VSTM1: variants seen among roughly 807,000 people sequenced by gnomAD.
VSTM1 encodes V-set and transmembrane domain-containing protein 1.
A neutral mutation model predicts 33.1 loss-of-function variants in VSTM1; 27 were observed. The observed-to-expected ratio is 0.82, with a 90% CI of 0.60 to 1.12. The LOEUF (loss-of-function observed/expected upper bound fraction) is 1.12, where lower values mean the gene tolerates loss of function less well. Ranked by LOEUF, VSTM1 falls within the 50% of genes most tolerant of loss-of-function variation. VSTM1 has a pLI of 0.00. For missense variants in VSTM1, 304 were observed against 288.9 expected (o/e 1.05, Z -0.38); for synonymous variants, 115 against 110.3 (o/e 1.04, Z -0.27).
At chr19:54,049,132 G>A (rs1274876810) in intron 4 of VSTM1, among the ~76,000 whole-genome samples, 2 of 152,124 alleles carry the variant, frequency 1.3e-5, no homozygotes, top group African/African-American at 4.8e-5. Flanking sequence ...GCAAAATGTG[G>A]TCTATCCATA....
intron 1 of VSTM1, 67 bp from the exon 2 acceptor site, chr19:54,058,799 C>T (rs2071239280): frequency 4.4e-6 from 6 of 1,365,592 alleles, no homozygotes; most frequent in Admixed American, 3.5e-5. Flanking sequence ...CAGCAGAGAA[C>T]GTATGACTAG....
At position 54,042,307 on chromosome 19, in the gene VSTM1, CTG is replaced by C; in HGVS notation, c.455_456del (p.Ser152CysfsTer15). On this transcript the variant is annotated frameshift_variant, in exon 5 of 9. Transcript: ENST00000338372. LOFTEE classifies it high-confidence loss of function. ...SCISILLLFL[S>X]VFIIYRCSQH... The stretch of plus-strand genomic sequence containing the variant: ...TGGCTGCATCTGTAGATGATGAAGA[CTG>C]AGAGGAAGAGGAGAAGGATGGAGAT... 1 of 1,613,744 alleles carries C rather than the reference CTG, an allele frequency of 6.2e-7. No homozygotes were observed. The highest frequency in any genetic ancestry group is 8.5e-7 in the Non-Finnish European group (1 of 1,179,960).
intron 8 of VSTM1, 132 bp downstream of exon 8, chr19:54,041,647 T>A (rs1377621782): frequency 2.5e-5 from 26 of 1,043,610 alleles, no homozygotes; most frequent in Non-Finnish European, 3.4e-5. Flanking sequence ...ATTAGGGGAG[T>A]TTCGTGACTT....
chr19:54,042,262 G>T lies in VSTM1; in HGVS notation c.487+15C>A, dbSNP rs371942569. On this transcript the variant is annotated intron_variant, in intron 5 of 8. Coordinates refer to ENST00000338372, the MANE Select transcript of VSTM1 (RefSeq NM_198481.4). The stretch of plus-strand genomic sequence containing the variant: ...CTTCACTCCCCCTCTCTCCCTTTGC[G>T]TTCTCTGAGCTCACTGTGCTGGCTG... The T allele has an allele frequency of 8.6e-5, 138 of 1,613,902 alleles. No homozygotes were observed. In the African/African-American group the frequency reaches 1.6e-3, roughly 19 times the overall value.
rs2070219421 is a variant in VSTM1, at chr19:54,040,909, A to T, written c.*52T>A. 6.3e-7 allele frequency: 1 copy of T among 1,577,038 alleles called. No homozygotes were observed. Among genetic ancestry groups the T allele is most frequent in the African/African-American group, 1.4e-5 (1 of 72,068 alleles). Reference sequence around the variant, plus strand: ...GTATCTGCATCTCCAGATTTCCGATAACCTTGGCCAGCACGATCCCCCCTC... The same window carrying T: ...GTATCTGCATCTCCAGATTTCCGATTACCTTGGCCAGCACGATCCCCCCTC... On this transcript the variant is annotated 3_prime_UTR_variant, in exon 9 of 9. Coordinates refer to ENST00000338372, the MANE Select transcript of VSTM1 (RefSeq NM_198481.4).
chr19:54,045,911 TTATC>T (rs1406911212), intron 4 of VSTM1, among the ~76,000 whole-genome samples: 1 of 152,150 alleles, frequency 6.6e-6, no homozygotes, highest in Non-Finnish European at 1.5e-5. Context: ...ATCATCTATC[TTATC>T]TATTATATCT....
chr19:54,058,833 A>C, intron 1 of VSTM1, 101 bp from the exon 2 acceptor site: 1 of 599,838 alleles, frequency 1.7e-6, no homozygotes. Context: ...TGAGATATAT[A>C]TATATATATA....
intron 1 of VSTM1, among the ~76,000 whole-genome samples, chr19:54,059,428 A>G (rs1218357236): frequency 6.6e-6 from 1 of 152,004 alleles, no homozygotes; most frequent in Non-Finnish European, 1.5e-5. Flanking sequence ...AAATTGTTCA[A>G]CATTCACCTA....
At chr19:54,060,508 C>A (rs1205779366) in intron 1 of VSTM1, among the ~76,000 whole-genome samples, 1 of 152,114 alleles carries the variant, frequency 6.6e-6, no homozygotes, top group African/African-American at 2.4e-5. Flanking sequence ...GGAGGCCTCA[C>A]GATGGACCGA....
chr19:54,041,286 A>AT lies in VSTM1; in HGVS notation c.592-207dup, dbSNP rs1388210238. Among the ~76,000 whole-genome samples the AT allele has an allele frequency of 1.4e-3, 217 of 151,152 alleles. 2 individuals carry two copies. Among genetic ancestry groups the AT allele is most frequent in the African/African-American group, 5.1e-3 (210 of 41,164 alleles). On this transcript the variant is annotated intron_variant, in intron 8 of 8. Coordinates refer to ENST00000338372, the MANE Select transcript of VSTM1 (RefSeq NM_198481.4). The stretch of plus-strand genomic sequence containing the variant: ...AATGGATCTGCGTAAGCCTTTTTTC[A>AT]TTTTTTTTAAATTTTTATTTATTTA...
At chr19:54,061,301 A>G (rs960401352) in intron 1 of VSTM1, among the ~76,000 whole-genome samples, 1 of 152,128 alleles carries the variant, frequency 6.6e-6, no homozygotes, top group Admixed American at 6.6e-5. Context: ...TACAGGCGTG[A>G]GCCACCACAC....
intron 3 of VSTM1, among the ~76,000 whole-genome samples, chr19:54,052,214 T>C (rs4806491): frequency 0.95 from 142,283 of 149,646 alleles, 67,852 homozygotes; most frequent in Non-Finnish European, 0.99. Flanking sequence ...CTGGCTAACA[T>C]GGTGAAACCC....
At chr19:54,046,510 T>C (rs1359468156) in intron 4 of VSTM1, among the ~76,000 whole-genome samples, 1 of 152,116 alleles carries the variant, frequency 6.6e-6, no homozygotes, top group African/African-American at 2.4e-5. Flanking sequence ...GGATTGTAGG[T>C]ATAATGATGA....
intron 4 of VSTM1, among the ~76,000 whole-genome samples, chr19:54,047,518 T>G (rs1305912987): frequency 6.6e-6 from 1 of 152,052 alleles, no homozygotes; most frequent in Non-Finnish European, 1.5e-5. Flanking sequence ...GGTCTCAAAC[T>G]CCAGAGCTCA....
intron 6 of VSTM1, 78 bp downstream of exon 6, chr19:54,042,091 C>T: frequency 6.2e-7 from 1 of 1,608,868 alleles, no homozygotes; most frequent in Non-Finnish European, 8.5e-7. Flanking sequence ...GCTCAGGGTG[C>T]CAATCCCGGA....
chr19:54,049,062 C>T (rs898783793), intron 4 of VSTM1, among the ~76,000 whole-genome samples: 1 of 151,772 alleles, frequency 6.6e-6, no homozygotes, highest in African/African-American at 2.4e-5. Context: ...CCAGCCTGGG[C>T]GACAGAGCAA....
chr19:54,047,303 T>TG (rs113027224), intron 4 of VSTM1, among the ~76,000 whole-genome samples: 263 of 112,700 alleles, frequency 2.3e-3, no homozygotes, highest in Non-Finnish European at 4.4e-3. Context: ...AAGCAACAAT[T>TG]TTTTTTTTTT....
chr19:54,058,715 C>T lies in VSTM1; in HGVS notation c.52G>A (p.Glu18Lys), dbSNP rs780676695. Reference sequence around the variant, plus strand: ...AACTCACCATTCTTTTTCTCATCTTCGTAGCCCAGACACAGCCCTGGAAGA... The same window carrying T: ...AACTCACCATTCTTTTTCTCATCTTTGTAGCCCAGACACAGCCCTGGAAGA... ...LLCLGLCLGYEDEKKNEKPPK... is the reference protein window; with the variant it reads ...LLCLGLCLGYKDEKKNEKPPK... Residue 18 changes from glutamate (E) to lysine (K), a missense_variant, in exon 2 of 9, where the codon GAA becomes AAA. By Grantham distance (56) the Glu-to-Lys change is moderately conservative. Coordinates refer to ENST00000338372, the MANE Select transcript of VSTM1 (RefSeq NM_198481.4). 74 of 1,613,776 alleles carry T rather than the reference C, an allele frequency of 4.6e-5. No homozygotes were observed. Among genetic ancestry groups the T allele is most frequent in the South Asian group, 1.8e-4 (16 of 91,060 alleles).
At chr19:54,052,070 A>G (rs1276122817) in intron 3 of VSTM1, among the ~76,000 whole-genome samples, 1 of 151,948 alleles carries the variant, frequency 6.6e-6, no homozygotes, top group African/African-American at 2.4e-5. Context: ...CTATATTTCT[A>G]TCTCCACAGT....
Sources: allele counts gnomAD v4.1 joint callset (sites outside exome capture counted in the v4.1 genomes callset), GRCh38; gene constraint gnomAD v4.1.1; transcripts MANE v1.5; gene names NCBI Gene and HGNC (gene_info 2026-07-23, HGNC 2026-07-21).